The following TRDN variants were observed in gnomAD, a reference collection of about 807,000 sequenced individuals.
TRDN encodes triadin in skeletal muscle.
In TRDN, 161 loss-of-function variants were observed where a neutral mutation model predicts 149.7. The ratio of observed to expected loss-of-function variants is 1.08; its 90% CI spans 0.95 to 1.23. TRDN has a LOEUF of 1.23. Ranked by LOEUF, TRDN falls within the 50% of genes most tolerant of loss-of-function variation. The pLI is 0.00. For synonymous variants in TRDN, 294 were observed against 250.5 expected, an observed-to-expected ratio of 1.17 and a Z score of -1.64; for missense variants, 896 against 823.5, an observed-to-expected ratio of 1.09 and a Z score of -1.08.
chr6:123,459,260 T>C (rs917665357), intron 10 of TRDN, among the ~76,000 whole-genome samples: 1 of 152,190 alleles, frequency 6.6e-6, no homozygotes, highest in Admixed American at 6.5e-5. Context: ...GTTACATTAA[T>C]CAAGCCCCAT....
chr6:123,610,527 G>A (rs993076218), intron 1 of TRDN, among the ~76,000 whole-genome samples: 1 of 152,090 alleles, frequency 6.6e-6, no homozygotes, highest in Non-Finnish European at 1.5e-5. Context: ...TTTCATAGTC[G>A]CTGTCTTTAC....
At chr6:123,553,668 G>A (rs1781508131) in intron 2 of TRDN, among the ~76,000 whole-genome samples, 1 of 152,180 alleles carries the variant, frequency 6.6e-6, no homozygotes, top group African/African-American at 2.4e-5. Context: ...AATCATGATG[G>A]AAGGTGAAAG....
At chr6:123,269,898 T>A in intron 30 of TRDN, 32 bp from the exon 31 acceptor site, 1 of 1,606,906 alleles carries the variant, frequency 6.2e-7, no homozygotes, top group South Asian at 1.1e-5. Context: ...ACATGGCATA[T>A]TGATGAGTAC....
chr6:123,222,595 G>A (rs1466926188), intron 39 of TRDN, among the ~76,000 whole-genome samples: 1 of 151,744 alleles, frequency 6.6e-6, no homozygotes, highest in Non-Finnish European at 1.5e-5. Context: ...TTTTCTCAAA[G>A]CACTATTTTC....
At chr6:123,256,012 C>T (rs1776545778) in intron 35 of TRDN, 110 bp from the exon 36 acceptor site, 4 of 516,614 alleles carry the variant, frequency 7.7e-6, no homozygotes, top group Non-Finnish European at 8.6e-6. Flanking sequence ...CATAGGTATA[C>T]ATGTGTCATG....
At chr6:123,444,473 C>T (rs1209230282) in intron 10 of TRDN, among the ~76,000 whole-genome samples, 1 of 150,494 alleles carries the variant, frequency 6.6e-6, no homozygotes, top group Non-Finnish European at 1.5e-5. Context: ...CAAAGAGGGA[C>T]AATTTGACTT....
intron 38 of TRDN, among the ~76,000 whole-genome samples, chr6:123,240,267 G>T (rs1177030825): frequency 5.9e-5 from 9 of 151,430 alleles, no homozygotes; most frequent in African/African-American, 2.4e-5. Context: ...AAAATAGACT[G>T]GAATAATTTA....
At chr6:123,325,858 C>T (rs1457219559) in intron 23 of TRDN, among the ~76,000 whole-genome samples, 1 of 152,094 alleles carries the variant, frequency 6.6e-6, no homozygotes, top group Non-Finnish European at 1.5e-5. Context: ...AAGCAGACTA[C>T]ACAACACATA....
At chr6:123,281,906 T>G (rs1256521272) in intron 24 of TRDN, among the ~76,000 whole-genome samples, 9 of 152,014 alleles carry the variant, frequency 5.9e-5, no homozygotes, top group Admixed American at 3.9e-4. Context: ...GACTTCTGTC[T>G]CCCAAAATAC....
At chr6:123,595,840 T>C (rs1368190517) in intron 1 of TRDN, among the ~76,000 whole-genome samples, 3 of 152,100 alleles carry the variant, frequency 2.0e-5, no homozygotes, top group Non-Finnish European at 2.9e-5. Flanking sequence ...GTTCTGACTG[T>C]TCCATTAACT....
intron 24 of TRDN, among the ~76,000 whole-genome samples, chr6:123,306,789 A>G (rs1778627343): frequency 6.6e-6 from 1 of 152,084 alleles, no homozygotes; most frequent in Non-Finnish European, 1.5e-5. Context: ...ATGAATTGCT[A>G]TTCTTTCTTC....
At chr6:123,413,859 T>C (rs1156356439) in intron 12 of TRDN, among the ~76,000 whole-genome samples, 1 of 152,128 alleles carries the variant, frequency 6.6e-6, no homozygotes, top group Non-Finnish European at 1.5e-5. Flanking sequence ...TTTTTAGTAA[T>C]GACTAAATCC....
At chr6:123,387,454 A>T (rs552126598) in intron 14 of TRDN, among the ~76,000 whole-genome samples, 10 of 152,152 alleles carry the variant, frequency 6.6e-5, no homozygotes, top group African/African-American at 2.2e-4. Context: ...ACTATTATTA[A>T]TGTCTGGTTT....
At chr6:123,548,017 C>A (rs1781203709) in intron 3 of TRDN, among the ~76,000 whole-genome samples, 1 of 151,986 alleles carries the variant, frequency 6.6e-6, no homozygotes, top group South Asian at 2.1e-4. Context: ...AGATTGCTTT[C>A]TGCTATTTGA....
intron 24 of TRDN, among the ~76,000 whole-genome samples, chr6:123,309,094 C>T (rs75307132): frequency 6.6e-6 from 1 of 151,944 alleles, no homozygotes; most frequent in South Asian, 2.1e-4. Context: ...GTTCAAACTC[C>T]TGATTCTAAT....
intron 5 of TRDN, among the ~76,000 whole-genome samples, chr6:123,525,454 T>C (rs1260796916): frequency 6.6e-6 from 1 of 151,886 alleles, no homozygotes; most frequent in Non-Finnish European, 1.5e-5. Flanking sequence ...AACTCAGAAA[T>C]AGAAAATCAA....
rs534973065 is a variant in TRDN, at chr6:123,560,675, CCTT to C, written c.232+10245_232+10247del. Among the ~76,000 whole-genome samples the C allele has an allele frequency of 2.0e-5, 3 of 152,288 alleles. 1 individual carries two copies. The South Asian group carries it at 6.2e-4, about 32-fold the overall frequency. ...CTTCTATCCCTCGTGCAGATTTTCT[CCTT>C]CTCATCTGGCCACTCTCACCCACTC... On this transcript the variant is annotated intron_variant, in intron 2 of 40. Coordinates refer to ENST00000334268, the MANE Select transcript of TRDN (RefSeq NM_006073.4).
chr6:123,438,973 T>A lies in TRDN; in HGVS notation c.962A>T (p.Lys321Met). The A allele has an allele frequency of 3.2e-6, 5 of 1,561,924 alleles. No individual in the cohort carries two copies. In the South Asian group the frequency reaches 3.6e-5, roughly 11 times the overall value. Residue 321 changes from lysine to methionine, a missense_variant, in exon 11 of 41, where the codon AAG (lysine) becomes ATG (methionine). By Grantham distance (95) the Lys-to-Met change is moderately conservative. Coordinates refer to ENST00000334268, the MANE Select transcript of TRDN (RefSeq NM_006073.4). ...CTTTTTTGTTTCAGAAGTAACTTTC[T>A]TCTCAGCCTTCTTCTTTTCCCCTTC... ...EKEGEKKKAE[K>M]KVTSETKKKE...
At chr6:123,339,606 G>A (rs1429788594) in intron 21 of TRDN, among the ~76,000 whole-genome samples, 1 of 152,154 alleles carries the variant, frequency 6.6e-6, no homozygotes, top group Admixed American at 6.5e-5. Flanking sequence ...AATATAACTA[G>A]TAGCTTGTTT....
Sources: allele counts gnomAD v4.1 joint callset (sites outside exome capture counted in the v4.1 genomes callset), GRCh38; gene constraint gnomAD v4.1.1; transcripts MANE v1.5; gene names NCBI Gene and HGNC (gene_info 2026-07-23, HGNC 2026-07-21).